The following ANO6 variants were observed in gnomAD, a reference collection of about 807,000 sequenced individuals.
ANO6 encodes anoctamin 6.
Under a neutral mutation model 117.5 loss-of-function variants are expected in ANO6, and 106 were observed. The observed-to-expected ratio is 0.90, with a 90% CI of 0.77 to 1.06. ANO6 has a LOEUF of 1.06. Among genes scored for constraint, ANO6 ranks in the 50% least tolerant of loss-of-function variants. The pLI is 0.00. For missense variants in ANO6, 955 were observed against 1,121.1 expected, an observed-to-expected ratio of 0.85 and a Z score of 2.12; for synonymous variants, 367 against 385.1, an observed-to-expected ratio of 0.95 and a Z score of 0.55.
At chr12:45,226,828 A>G (rs1448615591) in intron 1 of ANO6, among the ~76,000 whole-genome samples, 1 of 151,748 alleles carries the variant, frequency 6.6e-6, no homozygotes, top group African/African-American at 2.4e-5. Flanking sequence ...GAAACTCAAT[A>G]AGATCCTTAA....
chr12:45,414,354 G>A (rs900632096), intron 16 of ANO6, among the ~76,000 whole-genome samples: 2 of 151,976 alleles, frequency 1.3e-5, no homozygotes, highest in African/African-American at 4.8e-5. Context: ...TTGAATATCA[G>A]AACAAATTAT....
chr12:45,330,710 A>G (rs181401541), intron 2 of ANO6, among the ~76,000 whole-genome samples: 85 of 152,226 alleles, frequency 5.6e-4, no homozygotes, highest in Non-Finnish European at 1.1e-3. Flanking sequence ...GGAATGAGGG[A>G]CATCATTTGT....
At chr12:45,258,678 C>T (rs981796007) in intron 1 of ANO6, among the ~76,000 whole-genome samples, 1 of 152,132 alleles carries the variant, frequency 6.6e-6, no homozygotes, top group Admixed American at 6.6e-5. Flanking sequence ...CCTCCACACA[C>T]CAATTTTGTC....
intron 1 of ANO6, among the ~76,000 whole-genome samples, chr12:45,250,809 G>T (rs997912551): frequency 4.7e-5 from 7 of 147,736 alleles, no homozygotes; most frequent in Non-Finnish European, 7.4e-5. Flanking sequence ...ATGTTGTCCA[G>T]ACTGGTGTCA....
At chr12:45,370,160 T>TCTTA (rs1221128305) in intron 9 of ANO6, among the ~76,000 whole-genome samples, 1 of 152,262 alleles carries the variant, frequency 6.6e-6, no homozygotes, top group Non-Finnish European at 1.5e-5. Context: ...AAGCTAGGCT[T>TCTTA]CTTACCCAGT....
At chr12:45,399,451 C>T (rs1163791478) in intron 12 of ANO6, among the ~76,000 whole-genome samples, 1 of 152,112 alleles carries the variant, frequency 6.6e-6, no homozygotes, top group Non-Finnish European at 1.5e-5. Context: ...GCCGCAGCCC[C>T]TCAAAGTGCT....
intron 9 of ANO6, among the ~76,000 whole-genome samples, chr12:45,371,915 G>A (rs892639283): frequency 4.0e-5 from 6 of 151,842 alleles, no homozygotes; most frequent in African/African-American, 1.2e-4. Context: ...ATTACTCTGA[G>A]CTACGGGAGG....
intron 2 of ANO6, among the ~76,000 whole-genome samples, chr12:45,316,616 T>C (rs1940034256): frequency 6.6e-6 from 1 of 152,106 alleles, no homozygotes; most frequent in African/African-American, 2.4e-5. Flanking sequence ...TTGAATAAAA[T>C]GGTTATATTA....
At chr12:45,259,557 C>G (rs1206656887) in intron 1 of ANO6, among the ~76,000 whole-genome samples, 2 of 152,222 alleles carry the variant, frequency 1.3e-5, no homozygotes, top group South Asian at 2.1e-4. Flanking sequence ...AGGTACTCAC[C>G]TGCTGGAGCC....
At chr12:45,398,694 A>G (rs1352916752) in intron 12 of ANO6, among the ~76,000 whole-genome samples, 1 of 152,124 alleles carries the variant, frequency 6.6e-6, no homozygotes, top group Non-Finnish European at 1.5e-5. Flanking sequence ...TGCGGCGATG[A>G]GAAAGTATGG....
chr12:45,377,881 CTA>C (rs1942070217), intron 9 of ANO6, among the ~76,000 whole-genome samples, 170 bp from the exon 10 acceptor site: 1 of 152,146 alleles, frequency 6.6e-6, no homozygotes, highest in Non-Finnish European at 1.5e-5. Flanking sequence ...CAAATTTCAT[CTA>C]TAAGTATGTA....
At chr12:45,240,883 C>A (rs113874207) in intron 1 of ANO6, among the ~76,000 whole-genome samples, 8 of 152,318 alleles carry the variant, frequency 5.3e-5, no homozygotes, top group Non-Finnish European at 8.8e-5. Flanking sequence ...TTGGCCCCCA[C>A]TCTTTTCTGG....
chr12:45,350,412 C>T (rs1941249625), intron 6 of ANO6, among the ~76,000 whole-genome samples: 2 of 152,136 alleles, frequency 1.3e-5, no homozygotes, highest in Admixed American at 6.5e-5. Flanking sequence ...TCACAGAGTC[C>T]CTGCAGTGCT....
Position 45,314,612 on chromosome 12 carries a change from T to G in ANO6, c.150+12519T>G, listed in dbSNP as rs1271768973. On this transcript the variant is annotated intron_variant, in intron 2 of 19. Coordinates refer to ENST00000320560, the MANE Select transcript of ANO6 (RefSeq NM_001025356.3). ...ATCAGGTTTGTATTTTTGAAGGAAA[T>G]GGTATATAGCTCAACCTTGAAGACT... Among the ~76,000 whole-genome samples, 6 of 151,532 alleles carry G rather than the reference T, an allele frequency of 4.0e-5. No individual in the cohort carries two copies. In the East Asian group the frequency reaches 9.7e-4, roughly 25 times the overall value.
intron 9 of ANO6, among the ~76,000 whole-genome samples, chr12:45,377,002 C>G (rs1265887591): frequency 6.6e-6 from 1 of 151,904 alleles, no homozygotes; most frequent in African/African-American, 2.4e-5. Flanking sequence ...TGTCGCTATT[C>G]TTTTATGAAG....
At chr12:45,394,439 A>G (rs538922062) in intron 12 of ANO6, among the ~76,000 whole-genome samples, 11 of 152,298 alleles carry the variant, frequency 7.2e-5, no homozygotes, top group Admixed American at 5.9e-4. Flanking sequence ...GATCAACAAG[A>G]CAGAAGGTTA....
At chr12:45,366,382 G>T in intron 8 of ANO6, among the ~76,000 whole-genome samples, 1 of 151,542 alleles carries the variant, frequency 6.6e-6, no homozygotes, top group African/African-American at 2.4e-5. Flanking sequence ...TTGGTACGTT[G>T]GCATTCTCAT....
In ANO6 at chr12:45,317,606, G is replaced by T. The variant is rs970085831; in HGVS notation, c.151-13689G>T. Among the ~76,000 whole-genome samples, 27 of 152,036 alleles carry T rather than the reference G, an allele frequency of 1.8e-4. 1 individual carries two copies. Among genetic ancestry groups the T allele is most frequent in the African/African-American group, 6.3e-4 (26 of 41,400 alleles). ...TACGTGTGCATGTGTCTTTGTAGCAGCATGATTTATATTCCTTTGGGTATA... is the reference window on the plus strand; with the variant it reads ...TACGTGTGCATGTGTCTTTGTAGCATCATGATTTATATTCCTTTGGGTATA... On this transcript the variant is annotated intron_variant, in intron 2 of 19. Transcript: ENST00000320560.
intron 12 of ANO6, among the ~76,000 whole-genome samples, chr12:45,398,715 T>G (rs1321112330): frequency 6.6e-6 from 1 of 152,172 alleles, no homozygotes; most frequent in Admixed American, 6.5e-5. Flanking sequence ...TCATGAAGAT[T>G]TTTTAAGGCA....
Sources: gnomAD v4.1 joint callset for allele counts (sites outside exome capture counted in the v4.1 genomes callset) on GRCh38, gnomAD v4.1.1 for gene constraint, MANE v1.5 for transcripts, NCBI Gene and HGNC (gene_info 2026-07-23, HGNC 2026-07-21) for gene names.